The following PPM1B variants were observed in gnomAD, a reference collection of about 807,000 sequenced individuals.
PPM1B encodes the protein protein phosphatase 1B.
In PPM1B, 22 loss-of-function variants were observed where a neutral mutation model predicts 43.0. That is an observed-to-expected ratio of 0.51 (90% CI 0.37 to 0.73). The LOEUF (loss-of-function observed/expected upper bound fraction) is 0.73. Among genes scored for constraint, PPM1B ranks in the 30% least tolerant of loss-of-function variants. The pLI is 0.00. For missense variants in PPM1B, 632 were observed against 584.2 expected (o/e 1.08, Z -0.84); for synonymous variants, 217 against 197.9 (o/e 1.10, Z -0.81).
downstream of PPM1B, among the ~76,000 whole-genome samples, chr2:44,246,765 T>C (rs1670859005): frequency 6.6e-6 from 1 of 152,246 alleles, no homozygotes; most frequent in African/African-American, 2.4e-5. Context: ...GTGGTATTGC[T>C]TGCATCATTT....
chr2:44,231,419 A>G lies in PPM1B; in HGVS notation c.*701A>G, dbSNP rs1195731220. The G allele has an allele frequency of 1.0e-6, 1 of 975,122 alleles. No individual in the cohort carries two copies. The highest frequency in any genetic ancestry group is 1.8e-5 in the African/African-American group (1 of 56,978). The allele number at this position is 975,122 out of a possible 1,614,324, so 60.4% of individuals were successfully genotyped here. ...AAATGTATGTCAACCAAGTGTTTAG[A>G]ATGAAATTATAAGTGTTTAAGTCCA... On this transcript the variant is annotated 3_prime_UTR_variant, in exon 6 of 6. Coordinates refer to ENST00000282412, the MANE Select transcript of PPM1B (RefSeq NM_002706.6).
At chr2:44,177,669 C>T (rs536014555) in intron 1 of PPM1B, among the ~76,000 whole-genome samples, 291 of 152,040 alleles carry the variant, frequency 1.9e-3, no homozygotes, top group Non-Finnish European at 2.5e-3. Flanking sequence ...CTGCCCGCCT[C>T]GGCCTCCCAA....
chr2:44,182,613 T>C (rs2104026335), intron 1 of PPM1B, among the ~76,000 whole-genome samples: 1 of 152,334 alleles, frequency 6.6e-6, no homozygotes, highest in Admixed American at 6.5e-5. Flanking sequence ...ATTTAAGTTT[T>C]CTAATTGTGA....
downstream of PPM1B, chr2:44,233,513 TAGG>T: frequency 1.0e-6 from 1 of 985,238 alleles, no homozygotes; most frequent in Non-Finnish European, 1.2e-6. Context: ...GTTTCTGGGT[TAGG>T]AGAAGTAATG....
In PPM1B at chr2:44,188,493, T is replaced by G. The variant is rs181738613; in HGVS notation, c.-14-12693T>G. ...TCACTGCAGCCTCAACCTCCCAGGC[T>G]TAAGCAGTCCACCCATCTCAGCCTC... On this transcript the variant is annotated intron_variant, in intron 1 of 5. Coordinates refer to ENST00000282412, the MANE Select transcript of PPM1B (RefSeq NM_002706.6). Among the ~76,000 whole-genome samples, 52 of 151,400 alleles carry G rather than the reference T, an allele frequency of 3.4e-4. 1 individual carries two copies. In the East Asian group the frequency reaches 9.7e-3, roughly 28 times the overall value.
downstream of PPM1B, chr2:44,233,748 A>G (rs1670534242): frequency 2.0e-6 from 2 of 985,834 alleles, no homozygotes; most frequent in Non-Finnish European, 2.4e-6. Context: ...TTTCCTGATC[A>G]TTTGATTTAT....
rs934876818 is a variant in PPM1B, at chr2:44,207,580, C to A, written c.847-1630C>A. ...GTACTAGAGTAGTATATATGATATG[C>A]TTTTTTTTTTTTTGAGAGAGAGTCT... On this transcript the variant is annotated intron_variant, in intron 2 of 5. Coordinates refer to ENST00000282412, the MANE Select transcript of PPM1B (RefSeq NM_002706.6). Among the ~76,000 whole-genome samples the A allele has an allele frequency of 4.9e-5, 7 of 143,988 alleles. No individual in the cohort carries two copies. The East Asian group carries it at 1.4e-3, about 29-fold the overall frequency. 94.5% of individuals were successfully genotyped at this position (143,988 alleles called of 152,430 possible).
chr2:44,200,977 G>GTCTGATTTAATTTAAT (rs1668905375), intron 1 of PPM1B, among the ~76,000 whole-genome samples: 1 of 152,112 alleles, frequency 6.6e-6, no homozygotes, highest in Non-Finnish European at 1.5e-5. Context: ...GATTTAATTG[G>GTCTGATTTAATTTAAT]TCTGATTATT....
At chr2:44,181,977 T>C (rs1667896411) in intron 1 of PPM1B, among the ~76,000 whole-genome samples, 1 of 152,210 alleles carries the variant, frequency 6.6e-6, no homozygotes, top group Non-Finnish European at 1.5e-5. Flanking sequence ...TTTTTTGATT[T>C]GAGAGTGTTT....
At chr2:44,219,686 G>A (rs1254846192) in intron 5 of PPM1B, among the ~76,000 whole-genome samples, 1 of 152,152 alleles carries the variant, frequency 6.6e-6, no homozygotes, top group Non-Finnish European at 1.5e-5. Flanking sequence ...GCTCATGCCT[G>A]TAATCCCAGC....
chr2:44,213,346 T>G (rs1464395073), intron 3 of PPM1B, among the ~76,000 whole-genome samples: 1 of 151,772 alleles, frequency 6.6e-6, no homozygotes, highest in Non-Finnish European at 1.5e-5. Context: ...TGATTCTTTT[T>G]TTTTTTTTTG....
At chr2:44,210,215 A>ATT (rs11322876) in intron 3 of PPM1B, among the ~76,000 whole-genome samples, 10 of 136,236 alleles carry the variant, frequency 7.3e-5, no homozygotes, top group Admixed American at 1.5e-4. Context: ...TTGGCAATAA[A>ATT]TTTTTTTTTT....
downstream of PPM1B, chr2:44,234,684 G>C (rs1028756218): frequency 4.3e-5 from 39 of 902,086 alleles, no homozygotes; most frequent in Middle Eastern, 1.1e-3. Context: ...TTTGGTCTGA[G>C]GACCCACTTA....
At chr2:44,224,304 AATT>A (rs1670114065) in intron 5 of PPM1B, among the ~76,000 whole-genome samples, 1 of 151,906 alleles carries the variant, frequency 6.6e-6, no homozygotes, top group Admixed American at 6.6e-5. Context: ...AAATACAAAA[AATT>A]AGCCGGGCGT....
At chr2:44,194,178 T>C (rs1324009010) in intron 1 of PPM1B, among the ~76,000 whole-genome samples, 2 of 152,296 alleles carry the variant, frequency 1.3e-5, no homozygotes, top group African/African-American at 4.8e-5. Flanking sequence ...TTGCTTTTCA[T>C]GTTGTATGTT....
chr2:44,180,975 A>G (rs993870924), intron 1 of PPM1B, among the ~76,000 whole-genome samples: 3 of 152,204 alleles, frequency 2.0e-5, no homozygotes, highest in Admixed American at 2.0e-4. Context: ...TTTTGGAGAC[A>G]GGGACTTGCT....
chr2:44,195,466 G>A (rs576443712), intron 1 of PPM1B, among the ~76,000 whole-genome samples: 81 of 151,622 alleles, frequency 5.3e-4, no homozygotes, highest in African/African-American at 1.8e-3. Flanking sequence ...CCAGCTAGGC[G>A]TCCCAAAGTG....
chr2:44,178,541 C>T (rs1667705467), intron 1 of PPM1B, among the ~76,000 whole-genome samples: 1 of 150,958 alleles, frequency 6.6e-6, no homozygotes, highest in Non-Finnish European at 1.5e-5. Context: ...AATCTTGGCT[C>T]ATTGCAACCT....
intron 3 of PPM1B, among the ~76,000 whole-genome samples, chr2:44,217,541 T>C (rs1669779580): frequency 6.6e-6 from 1 of 152,242 alleles, no homozygotes; most frequent in Non-Finnish European, 1.5e-5. Context: ...TTCATAACTT[T>C]TATATTGTTT....
Sources: allele counts gnomAD v4.1 joint callset (sites outside exome capture counted in the v4.1 genomes callset), GRCh38; gene constraint gnomAD v4.1.1; transcripts MANE v1.5; gene names NCBI Gene and HGNC (gene_info 2026-07-23, HGNC 2026-07-21).